The following SLC30A9 variants were observed in gnomAD, a reference collection of about 807,000 sequenced individuals.
The protein encoded by SLC30A9 is solute carrier family 30 member 9.
In SLC30A9, 58 loss-of-function variants were observed where a neutral mutation model predicts 87.5. The ratio of observed to expected loss-of-function variants is 0.66; its 90% CI spans 0.54 to 0.82. The LOEUF (loss-of-function observed/expected upper bound fraction) is 0.82, where lower values mean the gene tolerates loss of function less well. Among genes scored for constraint, SLC30A9 ranks in the 40% least tolerant of loss-of-function variants. The pLI, the probability that SLC30A9 is intolerant of heterozygous loss-of-function variation, is 0.00. For synonymous variants in SLC30A9, 234 were observed against 233.0 expected (o/e 1.00, Z -0.04); for missense variants, 557 against 679.1 (o/e 0.82, Z 2.00).
intron 6 of SLC30A9, among the ~76,000 whole-genome samples, chr4:42,023,728 A>G (rs1168048990): frequency 6.6e-6 from 1 of 152,218 alleles, no homozygotes; most frequent in African/African-American, 2.4e-5. Flanking sequence ...TCACACTGCT[A>G]TAAAGATACT....
At chr4:42,030,599 T>TGGGG (rs145068198) in intron 6 of SLC30A9, among the ~76,000 whole-genome samples, 20 of 148,486 alleles carry the variant, frequency 1.3e-4, no homozygotes, top group South Asian at 4.2e-4. Flanking sequence ...TTTTTTTTTT[T>TGGGG]GGGCTCTTTC....
chr4:42,003,926 G>T (rs910178492), intron 2 of SLC30A9, among the ~76,000 whole-genome samples: 1 of 152,016 alleles, frequency 6.6e-6, no homozygotes, highest in South Asian at 2.1e-4. Flanking sequence ...TCTGATCACC[G>T]CCTCCAACTT....
intron 2 of SLC30A9, among the ~76,000 whole-genome samples, chr4:42,012,000 CAGCTCT>C (rs1478272273): frequency 2.0e-5 from 3 of 151,714 alleles, no homozygotes; most frequent in Non-Finnish European, 4.4e-5. Flanking sequence ...TAAGAACTTG[CAGCTCT>C]AGCCTACATT....
At chr4:42,009,552 A>G (rs1319889214) in intron 2 of SLC30A9, among the ~76,000 whole-genome samples, 2 of 152,248 alleles carry the variant, frequency 1.3e-5, no homozygotes, top group Admixed American at 1.3e-4. Context: ...AGCGATATTC[A>G]TGGATAGAAT....
chr4:42,019,532 A>G (rs780865624), intron 3 of SLC30A9, among the ~76,000 whole-genome samples: 9 of 151,934 alleles, frequency 5.9e-5, no homozygotes, highest in Non-Finnish European at 7.4e-5. Context: ...TGATGAAATT[A>G]TTCTGTACTT....
chr4:42,035,074 A>G lies in SLC30A9; in HGVS notation c.611-201A>G, dbSNP rs140575300. ...TTCCATATGCTTGTTGGTGGTTTCT[A>G]TATAATCTTTGGAGAAATGTCTATT... On this transcript the variant is annotated intron_variant, in intron 6 of 17. Transcript: ENST00000264451. Among the ~76,000 whole-genome samples the G allele has an allele frequency of 1.3e-3, 197 of 152,162 alleles. 1 individual carries two copies. The highest frequency in any genetic ancestry group is 6.8e-3 in the Middle Eastern group (2 of 294).
intron 6 of SLC30A9, among the ~76,000 whole-genome samples, chr4:42,034,115 ACT>A (rs1202245375): frequency 1.4e-5 from 2 of 139,288 alleles, no homozygotes; most frequent in African/African-American, 2.5e-5. Flanking sequence ...ATAGAAAAAT[ACT>A]CTCTCATATT....
At chr4:41,994,749 A>G (rs1400917067) in intron 1 of SLC30A9, among the ~76,000 whole-genome samples, 1 of 149,288 alleles carries the variant, frequency 6.7e-6, no homozygotes, top group African/African-American at 2.5e-5. Context: ...TTAGCTAGGC[A>G]TGGTGGTGGG....
At chr4:42,052,286 A>G (rs527482820) in intron 9 of SLC30A9, among the ~76,000 whole-genome samples, 18 of 152,324 alleles carry the variant, frequency 1.2e-4, no homozygotes, top group Admixed American at 1.1e-3. Context: ...ATGGAGAGAT[A>G]CAATACCGCG....
chr4:42,019,684 AT>A (rs897681431), intron 3 of SLC30A9, among the ~76,000 whole-genome samples: 4 of 152,220 alleles, frequency 2.6e-5, no homozygotes, highest in Non-Finnish European at 5.9e-5. Context: ...TCACAAAAAA[AT>A]AATTATATGT....
chr4:42,064,564 A>G (rs879593318), intron 11 of SLC30A9, among the ~76,000 whole-genome samples: 1 of 152,218 alleles, frequency 6.6e-6, no homozygotes, highest in Non-Finnish European at 1.5e-5. Flanking sequence ...TTCTGAAAAG[A>G]TTTGGCCACT....
chr4:42,039,248 T>G (rs1716815281), intron 8 of SLC30A9, among the ~76,000 whole-genome samples, 195 bp downstream of exon 8: 1 of 152,000 alleles, frequency 6.6e-6, no homozygotes, highest in Admixed American at 6.6e-5. Flanking sequence ...TAGATAACCA[T>G]GCTCATTCTC....
chr4:42,078,205 T>C lies in SLC30A9; in HGVS notation c.1549-7T>C. 1 of 1,379,962 alleles carries C rather than the reference T, an allele frequency of 7.2e-7. No homozygotes were observed. Among genetic ancestry groups the C allele is most frequent in the Non-Finnish European group, 1.0e-6 (1 of 995,996 alleles). The allele number at this position is 1,379,962 out of a possible 1,614,324, so 85.5% of individuals were successfully genotyped here. A position where few individuals can be genotyped will look rare whatever the true frequency, so the allele number is the denominator to read the frequency against. ...AATTTATTTTCCTGTTTTCATTTTC[T>C]TTATAGGAAATTCAAGAAGTGAAAA... On this transcript the variant is annotated splice_region_variant and splice_polypyrimidine_tract_variant and intron_variant, in intron 16 of 17. Transcript: ENST00000264451.
intron 15 of SLC30A9, among the ~76,000 whole-genome samples, chr4:42,073,056 G>A (rs1013782099): frequency 2.0e-5 from 3 of 150,158 alleles, no homozygotes; most frequent in Non-Finnish European, 4.4e-5. Context: ...CCTGAGAGAC[G>A]AGGTTTCATC....
chr4:42,003,136 A>G (rs1715056694), intron 2 of SLC30A9, among the ~76,000 whole-genome samples: 1 of 152,094 alleles, frequency 6.6e-6, no homozygotes, highest in African/African-American at 2.4e-5. Context: ...AAATTTACAG[A>G]TAGATGGAAT....
chr4:42,055,216 T>C, intron 9 of SLC30A9, among the ~76,000 whole-genome samples: 1 of 152,304 alleles, frequency 6.6e-6, no homozygotes, highest in South Asian at 2.1e-4. Context: ...TCTGAATAGA[T>C]GGAAATTGTA....
chr4:42,009,544 C>T (rs192816811), intron 2 of SLC30A9, among the ~76,000 whole-genome samples: 67 of 152,236 alleles, frequency 4.4e-4, no homozygotes, highest in Non-Finnish European at 9.1e-4. Flanking sequence ...AAATGTCTAG[C>T]GATATTCATG....
intron 6 of SLC30A9, among the ~76,000 whole-genome samples, chr4:42,034,621 A>G (rs1450823650): frequency 2.0e-5 from 3 of 152,210 alleles, no homozygotes; most frequent in African/African-American, 4.8e-5. Flanking sequence ...TCAAGGCTAA[A>G]TAATACTCCA....
chr4:42,020,653 A>G, intron 4 of SLC30A9, 138 bp downstream of exon 4: 1 of 498,368 alleles, frequency 2.0e-6, no homozygotes, highest in Admixed American at 4.0e-5. Flanking sequence ...AGATATTTTT[A>G]TTCAGTCAAA....
Sources: gnomAD v4.1 joint callset for allele counts (sites outside exome capture counted in the v4.1 genomes callset) on GRCh38, gnomAD v4.1.1 for gene constraint, MANE v1.5 for transcripts, NCBI Gene and HGNC (gene_info 2026-07-23, HGNC 2026-07-21) for gene names.